Variants in AP3B1 observed in about 807,000 individuals in gnomAD.
AP3B1 encodes adaptor related protein complex 3 subunit beta 1, also known as AP-3 complex subunit beta-1.
Under a neutral mutation model 132.5 loss-of-function variants are expected in AP3B1, and 61 were observed. The ratio of observed to expected loss-of-function variants is 0.46; its 90% CI spans 0.37 to 0.57. The LOEUF is 0.57. Among genes scored for constraint, AP3B1 ranks in the 20% least tolerant of loss-of-function variants. AP3B1 has a pLI of 0.00. For synonymous variants in AP3B1, 388 were observed against 438.3 expected (o/e 0.89, Z 1.43); for missense variants, 1,120 against 1,289.4 (o/e 0.87, Z 2.01).
At chr5:78,284,670 T>G (rs1398757014) in intron 1 of AP3B1, among the ~76,000 whole-genome samples, 8 of 152,166 alleles carry the variant, frequency 5.3e-5, no homozygotes, top group Admixed American at 2.0e-4. Flanking sequence ...GAAAAAAGGC[T>G]AAAAGATATA....
chr5:78,060,401 G>A (rs956134009), intron 22 of AP3B1, among the ~76,000 whole-genome samples: 3 of 152,178 alleles, frequency 2.0e-5, no homozygotes, highest in East Asian at 1.9e-4. Context: ...CGGTCTGATA[G>A]AAACACACAT....
At chr5:78,166,201 C>T (rs181774592) in intron 11 of AP3B1, among the ~76,000 whole-genome samples, 231 of 151,556 alleles carry the variant, frequency 1.5e-3, no homozygotes, top group Non-Finnish European at 3.0e-3. Context: ...TGTGGTAAGG[C>T]ATTATACCCT....
intron 14 of AP3B1, among the ~76,000 whole-genome samples, chr5:78,153,441 T>C (rs1324813588): frequency 6.6e-6 from 1 of 152,014 alleles, no homozygotes; most frequent in Non-Finnish European, 1.5e-5. Flanking sequence ...TCTATGTCTA[T>C]CATTATAGGT....
At chr5:78,174,497 G>T (rs1358157543) in intron 11 of AP3B1, among the ~76,000 whole-genome samples, 2 of 152,182 alleles carry the variant, frequency 1.3e-5, no homozygotes, top group African/African-American at 4.8e-5. Context: ...GACCCTGTTT[G>T]CCTGGTTATC....
At chr5:78,034,671 C>T (rs1747725897) in intron 23 of AP3B1, among the ~76,000 whole-genome samples, 1 of 151,836 alleles carries the variant, frequency 6.6e-6, no homozygotes, top group Non-Finnish European at 1.5e-5. Flanking sequence ...CACCAATGAA[C>T]ACATTATACC....
intron 8 of AP3B1, 122 bp downstream of exon 8, chr5:78,181,385 T>C (rs1285918695): frequency 2.9e-5 from 26 of 891,820 alleles, no homozygotes; most frequent in Non-Finnish European, 4.4e-5. Flanking sequence ...TTACATGTCA[T>C]TTGGTGTGTA....
At position 78,015,308 on chromosome 5, in the gene AP3B1, G is replaced by T; in HGVS notation, c.3131+102C>A. The T allele has an allele frequency of 4.2e-6, 5 of 1,197,532 alleles. No homozygotes were observed. The South Asian group carries it at 5.2e-5, about 12-fold the overall frequency. The allele number at this position is 1,197,532 out of a possible 1,614,324, so 74.2% of individuals were successfully genotyped here. A position where few individuals can be genotyped will look rare whatever the true frequency, so the allele number is the denominator to read the frequency against. Reference sequence around the variant, plus strand: ...AGGGAGTGTGTGTATATATATATATGTTTAGGGGTTATTATTTCCAAAGAA... The same window carrying T: ...AGGGAGTGTGTGTATATATATATATTTTTAGGGGTTATTATTTCCAAAGAA... On this transcript the variant is annotated intron_variant, in intron 26 of 26. Coordinates refer to ENST00000255194, the MANE Select transcript of AP3B1 (RefSeq NM_003664.5).
chr5:78,121,177 G>C (rs564735246), intron 17 of AP3B1, among the ~76,000 whole-genome samples: 1 of 152,102 alleles, frequency 6.6e-6, no homozygotes, highest in South Asian at 2.1e-4. Context: ...CAGAATCTCT[G>C]GGACACATTC....
chr5:78,154,813 A>G (rs1373233420), intron 14 of AP3B1, among the ~76,000 whole-genome samples: 2 of 152,062 alleles, frequency 1.3e-5, no homozygotes, highest in Non-Finnish European at 2.9e-5. Context: ...TACTATTTCA[A>G]TATCTGTTAA....
rs141754938 is a variant in AP3B1 at position 78,233,278 on chromosome 5, G to A, written c.280-5039C>T. Reference sequence around the variant, plus strand: ...GACGGCGTTTTGCTCTTGTTGCCCAGGCTGGAGTGCAATGGCATGATCTCA... The same window carrying A: ...GACGGCGTTTTGCTCTTGTTGCCCAAGCTGGAGTGCAATGGCATGATCTCA... On this transcript the variant is annotated intron_variant, in intron 3 of 26. Transcript: ENST00000255194. Among the ~76,000 whole-genome samples the A allele has an allele frequency of 1.4e-3, 210 of 147,052 alleles. 4 individuals are homozygous for A. In the East Asian group the frequency reaches 0.04, roughly 28 times the overall value.
chr5:78,158,903 G>A (rs762710238), intron 13 of AP3B1, among the ~76,000 whole-genome samples: 5 of 152,154 alleles, frequency 3.3e-5, no homozygotes, highest in Admixed American at 1.3e-4. Context: ...TCGCCATGTT[G>A]GGCAGGCTGG....
At chr5:78,157,737 C>A (rs1347055653) in intron 13 of AP3B1, among the ~76,000 whole-genome samples, 1 of 151,290 alleles carries the variant, frequency 6.6e-6, no homozygotes, top group African/African-American at 2.4e-5. Context: ...TTAGAAATAC[C>A]ATAATTTGTG....
intron 24 of AP3B1, among the ~76,000 whole-genome samples, chr5:78,033,200 G>C (rs914946009): frequency 6.6e-6 from 1 of 152,016 alleles, no homozygotes; most frequent in Non-Finnish European, 1.5e-5. Context: ...TTAGAGTGAT[G>C]TTACTCATAG....
At position 78,110,276 on chromosome 5, in the gene AP3B1, TTCTATTGAACTAGATTCG is replaced by T; in HGVS notation, c.2310_2327del (p.Asp770_Ile775del). On this transcript the variant is annotated inframe_deletion, in exon 20 of 27. Coordinates refer to ENST00000255194, the MANE Select transcript of AP3B1 (RefSeq NM_003664.5). The stretch of plus-strand genomic sequence containing the variant: ...CTGATTCAGAATCGGAAGAACTGTC[TTCTATTGAACTAGATTCG>T]TCATTTGAAGAATCTGAAGTTTTAG... 3 of 1,609,546 alleles carry T rather than the reference TTCTATTGAACTAGATTCG, an allele frequency of 1.9e-6. No homozygotes were observed. The highest frequency in any genetic ancestry group is 2.5e-6 in the Non-Finnish European group (3 of 1,177,112).
At chr5:78,079,032 A>C (rs993730605) in intron 22 of AP3B1, among the ~76,000 whole-genome samples, 1 of 152,212 alleles carries the variant, frequency 6.6e-6, no homozygotes, top group African/African-American at 2.4e-5. Context: ...ATACATTGCA[A>C]AATGCAAGCC....
intron 22 of AP3B1, among the ~76,000 whole-genome samples, chr5:78,062,696 A>G (rs1228227302): frequency 6.6e-6 from 1 of 152,240 alleles, no homozygotes; most frequent in African/African-American, 2.4e-5. Context: ...CTTTGTGGAC[A>G]TAGCACCATT....
intron 7 of AP3B1, among the ~76,000 whole-genome samples, chr5:78,208,097 G>A (rs1282595911): frequency 1.3e-5 from 2 of 152,004 alleles, no homozygotes; most frequent in South Asian, 2.1e-4. Context: ...GAGACAGAGA[G>A]AGAAAGAGAG....
intron 15 of AP3B1, among the ~76,000 whole-genome samples, chr5:78,129,537 G>C (rs563171380): frequency 6.6e-6 from 1 of 152,140 alleles, no homozygotes; most frequent in Non-Finnish European, 1.5e-5. Flanking sequence ...CCATGTGCTA[G>C]ATTATTAAAC....
chr5:78,114,562 G>A (rs1751739165), intron 18 of AP3B1, among the ~76,000 whole-genome samples: 1 of 152,122 alleles, frequency 6.6e-6, no homozygotes, highest in Non-Finnish European at 1.5e-5. Flanking sequence ...TGCTAGGACT[G>A]TTCGCAGAAG....
Sources: gnomAD v4.1 joint callset for allele counts (sites outside exome capture counted in the v4.1 genomes callset) on GRCh38, gnomAD v4.1.1 for gene constraint, MANE v1.5 for transcripts, NCBI Gene and HGNC (gene_info 2026-07-23, HGNC 2026-07-21) for gene names.